GPC6: variants seen among roughly 807,000 people sequenced by gnomAD.
The protein encoded by GPC6 is glypican-6.
In GPC6, 14 loss-of-function variants were observed where a neutral mutation model predicts 55.2. The ratio of observed to expected loss-of-function variants is 0.25; its 90% CI spans 0.17 to 0.40. The LOEUF is 0.40. GPC6 is among the 10% of genes least tolerant of loss of function. The probability of loss-of-function intolerance (pLI) is 1.00; values close to 1 mark genes in which losing one functional copy is unlikely to be tolerated. For synonymous variants in GPC6, 278 were observed against 259.6 expected, an observed-to-expected ratio of 1.07 and a Z score of -0.68; for missense variants, 641 against 708.5, an observed-to-expected ratio of 0.90 and a Z score of 1.08.
At chr13:93,406,636 A>G (rs965758487) in intron 1 of GPC6, among the ~76,000 whole-genome samples, 5 of 152,218 alleles carry the variant, frequency 3.3e-5, no homozygotes, top group Non-Finnish European at 7.3e-5. Flanking sequence ...ATGAATTAAG[A>G]ATTACCAATT....
chr13:93,749,517 C>T (rs1884506834), intron 2 of GPC6, among the ~76,000 whole-genome samples: 1 of 151,782 alleles, frequency 6.6e-6, no homozygotes, highest in Admixed American at 6.6e-5. Context: ...ACACAATCTA[C>T]CATTATATTA....
At chr13:93,767,298 T>C (rs1885155269) in intron 2 of GPC6, among the ~76,000 whole-genome samples, 1 of 152,078 alleles carries the variant, frequency 6.6e-6, no homozygotes, top group Admixed American at 6.6e-5. Context: ...ACCAGAAAAA[T>C]CATGTTTTGT....
At chr13:93,722,465 T>TAAG (rs1883486955) in intron 2 of GPC6, among the ~76,000 whole-genome samples, 1 of 151,874 alleles carries the variant, frequency 6.6e-6, no homozygotes, top group African/African-American at 2.4e-5. Context: ...CTTAGATTAG[T>TAAG]AAGACCTAAG....
chr13:93,521,435 G>T (rs9301891), intron 1 of GPC6, among the ~76,000 whole-genome samples: 43,428 of 151,738 alleles, frequency 0.29, 6,359 homozygotes, highest in South Asian at 0.32. Flanking sequence ...GGGATTTCCA[G>T]CAGTGCTACT....
At chr13:93,501,099 A>G (rs1206790506) in intron 1 of GPC6, among the ~76,000 whole-genome samples, 3 of 152,182 alleles carry the variant, frequency 2.0e-5, no homozygotes, top group African/African-American at 7.2e-5. Context: ...GTCAATTATT[A>G]TAAATAAGAT....
At chr13:93,285,463 C>T (rs1367765037) in intron 1 of GPC6, among the ~76,000 whole-genome samples, 1 of 152,048 alleles carries the variant, frequency 6.6e-6, no homozygotes, top group Non-Finnish European at 1.5e-5. Context: ...ACACTGTAGT[C>T]CTAGTTTGTC....
At chr13:93,794,281 A>G (rs1886134621) in intron 2 of GPC6, among the ~76,000 whole-genome samples, 1 of 152,208 alleles carries the variant, frequency 6.6e-6, no homozygotes, top group South Asian at 2.1e-4. Context: ...AGATGTTACT[A>G]TATAGTGGTT....
At chr13:93,716,710 G>C (rs543589467) in intron 2 of GPC6, among the ~76,000 whole-genome samples, 2 of 151,662 alleles carry the variant, frequency 1.3e-5, no homozygotes, top group South Asian at 2.1e-4. Context: ...GTCTTTGTAA[G>C]TTTAGTATAG....
intron 2 of GPC6, among the ~76,000 whole-genome samples, chr13:93,661,250 G>C (rs551706856): frequency 6.6e-6 from 1 of 152,094 alleles, no homozygotes; most frequent in Admixed American, 6.5e-5. Flanking sequence ...GCCTCACTCT[G>C]TCACCCAGGC....
chr13:93,558,237 C>T (rs778458746), intron 2 of GPC6, among the ~76,000 whole-genome samples: 25 of 152,238 alleles, frequency 1.6e-4, no homozygotes, highest in Non-Finnish European at 3.2e-4. Flanking sequence ...GCAAAGAGTG[C>T]GCTTGTAATA....
chr13:93,795,470 C>A (rs984952882), intron 2 of GPC6, among the ~76,000 whole-genome samples: 1 of 152,096 alleles, frequency 6.6e-6, no homozygotes, highest in Non-Finnish European at 1.5e-5. Context: ...ACACCTCTGA[C>A]AAAACTGCAC....
intron 4 of GPC6, among the ~76,000 whole-genome samples, chr13:94,156,106 A>G (rs1051691935): frequency 1.3e-5 from 2 of 152,208 alleles, no homozygotes; most frequent in African/African-American, 2.4e-5. Context: ...TATCTCTGCC[A>G]TAGGACATAC....
At chr13:93,831,840 C>A (rs888298690) in intron 3 of GPC6, among the ~76,000 whole-genome samples, 1 of 150,938 alleles carries the variant, frequency 6.6e-6, no homozygotes, top group East Asian at 2.0e-4. Context: ...TCTGTAATCC[C>A]AGCACTTTGG....
chr13:93,690,628 A>G (rs1234767893), intron 2 of GPC6, among the ~76,000 whole-genome samples: 1 of 151,980 alleles, frequency 6.6e-6, no homozygotes, highest in East Asian at 1.9e-4. Flanking sequence ...CCCGACTCTC[A>G]ACATGAGAAC....
intron 2 of GPC6, among the ~76,000 whole-genome samples, chr13:93,803,586 A>T (rs1886445813): frequency 6.6e-6 from 1 of 152,204 alleles, no homozygotes; most frequent in South Asian, 2.1e-4. Context: ...AACTAAGTAT[A>T]TACCTAAAAG....
intron 1 of GPC6, among the ~76,000 whole-genome samples, chr13:93,485,751 T>C (rs928015287): frequency 6.6e-6 from 1 of 152,044 alleles, no homozygotes; most frequent in East Asian, 1.9e-4. Flanking sequence ...GGAGGTGGGG[T>C]ACAGTAATGG....
intron 1 of GPC6, among the ~76,000 whole-genome samples, chr13:93,275,944 G>A (rs556769951): frequency 1.3e-5 from 2 of 152,184 alleles, no homozygotes; most frequent in South Asian, 4.1e-4. Context: ...GCGCGATCTC[G>A]GCTCATGGCA....
the GPC6 span, among the ~76,000 whole-genome samples, chr13:93,217,773 G>A: frequency 2.9e-4 from 44 of 152,216 alleles, no homozygotes; most frequent in Admixed American, 5.2e-4. Flanking sequence ...TCATTACCAC[G>A]AACATGCCGG....
chr13:94,047,646 A>G (rs564245495), intron 4 of GPC6, among the ~76,000 whole-genome samples: 3 of 152,156 alleles, frequency 2.0e-5, no homozygotes, highest in Non-Finnish European at 4.4e-5. Context: ...GAAACTACAA[A>G]TATTCATTGT....
Sources: gnomAD v4.1 joint callset for allele counts (sites outside exome capture counted in the v4.1 genomes callset) on GRCh38, gnomAD v4.1.1 for gene constraint, MANE v1.5 for transcripts, NCBI Gene and HGNC (gene_info 2026-07-23, HGNC 2026-07-21) for gene names.